CELF1: variants seen among roughly 807,000 people sequenced by gnomAD.
CELF1 encodes 50 kDa nuclear polyadenylated RNA-binding protein.
Under a neutral mutation model 61.8 loss-of-function variants are expected in CELF1, and 10 were observed. The observed-to-expected ratio is 0.16, with a 90% CI of 0.10 to 0.27. CELF1 has a LOEUF of 0.27. Among genes scored for constraint, CELF1 ranks in the 10% least tolerant of loss-of-function variants. The probability of loss-of-function intolerance (pLI) is 1.00; values close to 1 mark genes in which losing one functional copy is unlikely to be tolerated. For missense variants in CELF1, 380 were observed against 639.1 expected (o/e 0.59, Z 4.37); for synonymous variants, 236 against 225.1 (o/e 1.05, Z -0.43).
Position 47,470,870 on chromosome 11 carries a change from G to C in CELF1, c.*1360C>G, listed in dbSNP as rs1042172979. The C allele has an allele frequency of 1.3e-5, 2 of 152,274 alleles. No individual in the cohort carries two copies. Among genetic ancestry groups the C allele is most frequent in the African/African-American group, 2.4e-5 (1 of 41,454 alleles). The allele number at this position is 152,274 out of a possible 1,614,324, so 9.4% of individuals were successfully genotyped here. A position where few individuals can be genotyped will look rare whatever the true frequency, so the allele number is the denominator to read the frequency against. On this transcript the variant is annotated 3_prime_UTR_variant, in exon 15 of 15. Coordinates refer to ENST00000687097, the MANE Select transcript of CELF1 (RefSeq NM_001376376.1). ...GAGCCCAGAAGCTGTGTGGGTCACA[G>C]GCAAGAGCTGAAGTAAGACCTGCAA...
At position 47,482,724 on chromosome 11, in the gene CELF1, G is replaced by C. The variant is rs767103029; in HGVS notation, c.739C>G (p.Leu247Val). ...AAATACTGGGGTCCAAGAGTATTTAGACCAGCAAGGTTTCCCCACACAGAT... is the reference window on the plus strand; with the variant it reads ...AAATACTGGGGTCCAAGAGTATTTACACCAGCAAGGTTTCCCCACACAGAT... Reference protein sequence around the residue: ...AASVWGNLAGLNTLGPQYLAL... With the variant: ...AASVWGNLAGVNTLGPQYLAL... The change falls in exon 9 of 15, where the codon CTA becomes GTA. Residue 247 changes from leucine to valine, a missense_variant. Physicochemically the swap from Leu to Val is conservative, Grantham distance 32. Coordinates refer to ENST00000687097, the MANE Select transcript of CELF1 (RefSeq NM_001376376.1). 7.4e-6 allele frequency: 12 copies of C among 1,613,910 alleles called. No homozygotes were observed. The highest frequency in any genetic ancestry group is 1.0e-5 in the Non-Finnish European group (12 of 1,180,014).
intron 1 of CELF1, among the ~76,000 whole-genome samples, chr11:47,543,550 A>G (rs2096862115): frequency 6.6e-6 from 1 of 152,230 alleles, no homozygotes; most frequent in Non-Finnish European, 1.5e-5. Context: ...CTCTACTTTA[A>G]GAAGATTCTA....
intron 1 of CELF1, among the ~76,000 whole-genome samples, chr11:47,517,814 A>T (rs1014914420): frequency 1.3e-5 from 2 of 151,990 alleles, no homozygotes; most frequent in African/African-American, 4.8e-5. Flanking sequence ...CACCAAACCC[A>T]GCTACTTTTT....
intron 1 of CELF1, among the ~76,000 whole-genome samples, chr11:47,515,750 T>A (rs890370870): frequency 1.3e-5 from 2 of 152,152 alleles, no homozygotes; most frequent in African/African-American, 4.8e-5. Context: ...ATTTTTCAGA[T>A]GAAGGAACTA....
intron 12 of CELF1, 105 bp downstream of exon 12, chr11:47,476,740 TA>T: frequency 2.3e-6 from 2 of 883,078 alleles, no homozygotes; most frequent in Non-Finnish European, 3.7e-6. Context: ...TGATTATTTT[TA>T]ACTTCACTGG....
Position 47,481,181 on chromosome 11 carries a change from G to C in CELF1, c.768+1514C>G, listed in dbSNP as rs1264384814. Among the ~76,000 whole-genome samples the C allele has an allele frequency of 4.0e-5, 5 of 126,478 alleles. No individual in the cohort carries two copies. In the East Asian group the frequency reaches 1.0e-3, roughly 25 times the overall value. 83.0% of individuals were successfully genotyped at this position (126,478 alleles called of 152,430 possible). A position where few individuals can be genotyped will look rare whatever the true frequency, so the allele number is the denominator to read the frequency against. ...GGCTGGAGTGCAATGGTGCGATCTT[G>C]GCTCACTGCAACCTCCGCTCAGTGC... On this transcript the variant is annotated intron_variant, in intron 9 of 14. Coordinates refer to ENST00000687097, the MANE Select transcript of CELF1 (RefSeq NM_001376376.1).
intron 2 of CELF1, among the ~76,000 whole-genome samples, chr11:47,559,806 A>G (rs1193044614): frequency 1.3e-5 from 2 of 152,070 alleles, no homozygotes; most frequent in Non-Finnish European, 2.9e-5. Context: ...GTTCGAGACC[A>G]GCCTGGCCAA....
chr11:47,564,171 C>CAAAAAAA (rs779009192), intron 2 of CELF1, among the ~76,000 whole-genome samples: 81 of 62,936 alleles, frequency 1.3e-3, no homozygotes, highest in African/African-American at 1.6e-3. Flanking sequence ...ACTAAAAATA[C>CAAAAAAA]AAAAAAAAAA....
At chr11:47,565,476 A>G (rs2097242020) in exon 1 of CELF1, 1 of 672,080 alleles carries the variant, frequency 1.5e-6, no homozygotes, top group Non-Finnish European at 2.0e-6. Flanking sequence ...AGTCCCCCAG[A>G]GTCCAGGCCA....
chr11:47,516,585 C>T lies in CELF1; in HGVS notation c.-153-15653G>A, dbSNP rs527813192. Among the ~76,000 whole-genome samples the T allele has an allele frequency of 2.0e-5, 3 of 152,110 alleles. No individual in the cohort carries two copies. In the East Asian group the frequency reaches 5.8e-4, roughly 29 times the overall value. ...TTGCAATTATTAGGCCTCCCCATCT[C>T]CATTAATAATATTCTCTTTTTTTTT... is the stretch of plus-strand genomic sequence containing the variant. On this transcript the variant is annotated intron_variant, in intron 1 of 14. Transcript: ENST00000687097.
At chr11:47,523,434 G>T (rs1159824921) in intron 1 of CELF1, 1 of 152,234 alleles carries the variant, frequency 6.6e-6, no homozygotes. Context: ...AAAGAATTTG[G>T]AAAGTCAGTA....
chr11:47,485,811 G>C (rs11039257), intron 6 of CELF1, among the ~76,000 whole-genome samples: 148,896 of 148,898 alleles, frequency 1, 74,447 homozygotes, highest in Non-Finnish European at 1. Flanking sequence ...CCCGCCGTGC[G>C]CTCCCAAAGT....
At position 47,472,186 on chromosome 11, in the gene CELF1, C is replaced by G. The variant is rs1173852694; in HGVS notation, c.*44G>C. On this transcript the variant is annotated 3_prime_UTR_variant, in exon 15 of 15. Coordinates refer to ENST00000687097, the MANE Select transcript of CELF1 (RefSeq NM_001376376.1). ...AATCATTAAGGGTGCTCCTCCCCCA[C>G]TTACCAGAAGACCCTCTCACTCCAG... The G allele has an allele frequency of 6.2e-7, 1 of 1,607,814 alleles. No individual in the cohort carries two copies. The highest frequency in any genetic ancestry group is 1.7e-5 in the Admixed American group (1 of 59,902).
intron 3 of CELF1, among the ~76,000 whole-genome samples, chr11:47,494,167 G>A (rs911241481): frequency 6.6e-6 from 1 of 152,244 alleles, no homozygotes; most frequent in Non-Finnish European, 1.5e-5. Flanking sequence ...AGTACTGCCA[G>A]CCCTGACCTG....
At chr11:47,512,492 CT>C (rs2095274933) in intron 1 of CELF1, among the ~76,000 whole-genome samples, 1 of 135,840 alleles carries the variant, frequency 7.4e-6, no homozygotes, top group Non-Finnish European at 1.6e-5. Flanking sequence ...AGGGATCACT[CT>C]GCCCAGCTAA....
At chr11:47,549,768 G>A (rs2097088071) in intron 1 of CELF1, among the ~76,000 whole-genome samples, 1 of 151,748 alleles carries the variant, frequency 6.6e-6, no homozygotes, top group Admixed American at 6.6e-5. Context: ...TGTACTTAAT[G>A]TCACAGAACA....
intron 1 of CELF1, among the ~76,000 whole-genome samples, chr11:47,537,114 TC>T (rs1470906619): frequency 2.2e-4 from 34 of 152,328 alleles, no homozygotes; most frequent in South Asian, 1.7e-3. Flanking sequence ...TATCAGATTA[TC>T]CTTTTCTTAT....
At chr11:47,519,090 T>G (rs752809863) in intron 1 of CELF1, among the ~76,000 whole-genome samples, 166 of 152,362 alleles carry the variant, frequency 1.1e-3, no homozygotes, top group Non-Finnish European at 1.1e-3. Context: ...AATGCAAATT[T>G]TGTACCTCTG....
At chr11:47,494,302 A>C (rs1271859917) in intron 3 of CELF1, 3 of 758,366 alleles carry the variant, frequency 4.0e-6, no homozygotes, top group Non-Finnish European at 4.8e-6. Flanking sequence ...TGTTTCTACT[A>C]CTGGCAGCAG....
Sources: gnomAD v4.1 joint callset for allele counts (sites outside exome capture counted in the v4.1 genomes callset) on GRCh38, gnomAD v4.1.1 for gene constraint, MANE v1.5 for transcripts, NCBI Gene and HGNC (gene_info 2026-07-23, HGNC 2026-07-21) for gene names.